Variants in SYT4 observed in about 807,000 individuals in gnomAD.
SYT4 encodes the protein synaptotagmin 4.
Under a neutral mutation model 32.9 loss-of-function variants are expected in SYT4, and 7 were observed. That is an observed-to-expected ratio of 0.21 (90% CI 0.12 to 0.40). The LOEUF (loss-of-function observed/expected upper bound fraction) is 0.40, where lower values mean the gene tolerates loss of function less well. SYT4 is among the 10% of genes least tolerant of loss of function. SYT4 has a pLI of 1.00. For synonymous variants in SYT4, 205 were observed against 186.2 expected (o/e 1.10, Z -0.82); for missense variants, 480 against 488.0 (o/e 0.98, Z 0.16).
chr18:43,273,814 T>A lies in SYT4; in HGVS notation c.615A>T (p.Lys205Asn). 1 of 1,614,044 alleles carries A rather than the reference T, an allele frequency of 6.2e-7. No individual in the cohort carries two copies. The highest frequency in any genetic ancestry group is 8.5e-7 in the Non-Finnish European group (1 of 1,179,940). ...KMTILPEKKH[K>N]VKTRVLRKTL... ...TTTTTCTCAGCACTCTAGTTTTCACTTTATGCTTCTTCTCTGGGAGGATCG... is the reference window on the plus strand; with the variant it reads ...TTTTTCTCAGCACTCTAGTTTTCACATTATGCTTCTTCTCTGGGAGGATCG... The change falls in exon 2 of 4, where the codon AAA (lysine) becomes AAT (asparagine). Residue 205 changes from lysine (K) to asparagine (N), a missense_variant. Coordinates refer to ENST00000255224, the MANE Select transcript of SYT4 (RefSeq NM_020783.4).
At position 43,273,633 on chromosome 18, in the gene SYT4, A is replaced by T. The variant is rs763786528; in HGVS notation, c.796T>A (p.Leu266Ile). Residue 266 changes from leucine (L) to isoleucine (I), a missense_variant, in exon 2 of 4, where the codon TTA becomes ATA. Coordinates refer to ENST00000255224, the MANE Select transcript of SYT4 (RefSeq NM_020783.4). ...EVLIPLSGIE[L>I]SEGKMLMNRE... is the part of the protein sequence containing the mutation. ...TTCATTAACATTTTTCCTTCAGATA[A>T]TTCAATTCCCGAGAGAGGAATTAGA... The T allele has an allele frequency of 6.2e-7, 1 of 1,613,660 alleles. No homozygotes were observed. The highest frequency in any genetic ancestry group is 2.2e-5 in the East Asian group (1 of 44,816).
chr18:43,274,092 C>T lies in SYT4; in HGVS notation c.337G>A (p.Gly113Ser), dbSNP rs1471484489. 1 of 1,613,892 alleles carries T rather than the reference C, an allele frequency of 6.2e-7. No individual in the cohort carries two copies. Among genetic ancestry groups the T allele is most frequent in the Non-Finnish European group, 8.5e-7 (1 of 1,179,958 alleles). ...GNFPKTNLKP[G>S]SPSDLENATP... ...GCATTCTCCAGATCAGAAGGACTGC[C>T]AGGTTTGAGGTTGGTTTTGGGAAAA... The change falls in exon 2 of 4, where the codon GGC (glycine) becomes AGC (serine). Residue 113 changes from glycine to serine, a missense_variant. Transcript: ENST00000255224.
chr18:43,270,514 C>A lies in SYT4; in HGVS notation c.1105G>T (p.Asp369Tyr), dbSNP rs778157794. 1.2e-6 allele frequency: 2 copies of A among 1,614,078 alleles called. No homozygotes were observed. The highest frequency in any genetic ancestry group is 1.1e-5 in the South Asian group (1 of 91,090). The change falls in exon 4 of 4, where the codon GAT (aspartate) becomes TAT (tyrosine). Residue 369 changes from aspartate to tyrosine, a missense_variant. Physicochemically the swap from Asp to Tyr is radical, Grantham distance 160. Coordinates refer to ENST00000255224, the MANE Select transcript of SYT4 (RefSeq NM_020783.4). The part of the protein sequence containing the change: ...VFDIPCEGLE[D>Y]ISVEFLVLDS... ...AAAACCAAAAATTCAACACTTATAT[C>A]TTCAAGGCCCTCACAAGGAATATCA...
At chr18:43,270,701 A>T in intron 3 of SYT4, 53 bp from the exon 4 acceptor site, 1 of 1,581,200 alleles carries the variant, frequency 6.3e-7, no homozygotes, top group South Asian at 1.1e-5. Context: ...TGGAGAGCTG[A>T]TATCAAGATA....
chr18:43,273,868 C>A lies in SYT4; in HGVS notation c.561G>T (p.Ser187=). The A allele has an allele frequency of 6.2e-7, 1 of 1,614,018 alleles. No homozygotes were observed. The highest frequency in any genetic ancestry group is 8.5e-7 in the Non-Finnish European group (1 of 1,179,940). The change falls in exon 2 of 4, where the codon TCG becomes TCT. Residue 187 remains serine (S), a synonymous_variant. Transcript: ENST00000255224. ...ARGLPAMDEQ[S]MTSDPYIKMT... ...TTTTGATATATGGGTCAGAGGTCAT[C>A]GACTGCTCATCCATGGCTGGCAAGC...
At chr18:43,274,514 A>G (rs1372378813) in intron 1 of SYT4, 120 bp from the exon 2 acceptor site, 3 of 765,494 alleles carry the variant, frequency 3.9e-6, no homozygotes, top group African/African-American at 1.8e-5. Context: ...TTACTTTCCA[A>G]CTGTTCTGGG....
rs746235891 is a variant in SYT4 at position 43,273,737 on chromosome 18, G to C, written c.692C>G (p.Thr231Ser). ...ETFTFYGIPY[T>S]QIQELALHFT... The stretch of plus-strand genomic sequence containing the variant: ...GTGCAAGGCCAATTCTTGGATTTGG[G>C]TGTAGGGTATCCCATAGAATGTAAA... The change falls in exon 2 of 4, where the codon ACC (threonine) becomes AGC (serine). Residue 231 changes from threonine (T) to serine (S), a missense_variant. Physicochemically the swap from Thr to Ser is moderately conservative, Grantham distance 58. Transcript: ENST00000255224. The C allele has an allele frequency of 1.9e-6, 3 of 1,613,894 alleles. No homozygotes were observed. Among genetic ancestry groups the C allele is most frequent in the African/African-American group, 1.3e-5 (1 of 74,908 alleles).
At chr18:43,275,741 A>G (rs756904601) in intron 1 of SYT4, among the ~76,000 whole-genome samples, 15 of 152,184 alleles carry the variant, frequency 9.9e-5, no homozygotes, top group Non-Finnish European at 1.9e-4. Context: ...TTTAATGTAC[A>G]GAAACTGAAT....
rs745580387 is a variant in SYT4, at chr18:43,274,227, T to G, written c.202A>C (p.Asn68His). 1 of 1,614,008 alleles carries G rather than the reference T, an allele frequency of 6.2e-7. No homozygotes were observed. The highest frequency in any genetic ancestry group is 1.3e-5 in the African/African-American group (1 of 75,036). ...TCTGCTCCAAACTTCTTTTTGCTAT[T>G]TAGGTTTTCAGGGTAAATATCAACT... ...KGVDIYPENL[N>H]SKKKFGADDK... The change falls in exon 2 of 4, where the codon AAT (asparagine) becomes CAT (histidine). Residue 68 changes from asparagine to histidine, a missense_variant. Transcript: ENST00000255224.
Position 43,273,962 on chromosome 18 carries a change from G to A in SYT4, c.467C>T (p.Thr156Ile). Residue 156 changes from threonine (T) to isoleucine (I), a missense_variant, in exon 2 of 4, where the codon ACT becomes ATT. Physicochemically the swap from Thr to Ile is moderately conservative, Grantham distance 89. Transcript: ENST00000255224. ...GTTGTATTCTAAGGAGAAGAAGAGA[G>A]TTCCCAGCTTCTCTTGTTTCTCTTC... is the stretch of plus-strand genomic sequence containing the variant. ...TSEEKQEKLG[T>I]LFFSLEYNFE... The A allele has an allele frequency of 6.2e-7, 1 of 1,613,984 alleles. No homozygotes were observed.
At chr18:43,275,309 A>G (rs1268083643) in intron 1 of SYT4, among the ~76,000 whole-genome samples, 2 of 152,158 alleles carry the variant, frequency 1.3e-5, no homozygotes, top group Non-Finnish European at 2.9e-5. Context: ...GGTAATATCA[A>G]TTATGCATAA....
At chr18:43,272,638 T>TA (rs1908664598) in intron 2 of SYT4, among the ~76,000 whole-genome samples, 2 of 152,178 alleles carry the variant, frequency 1.3e-5, no homozygotes, top group Admixed American at 1.3e-4. Flanking sequence ...AAAACTGCAA[T>TA]ATATTTATAC....
At position 43,273,597 on chromosome 18, in the gene SYT4, T is replaced by G; in HGVS notation, c.832A>C (p.Ile278Leu). The stretch of plus-strand genomic sequence containing the variant: ...TAAATTACCCTAACATTTCTCTTGA[T>G]GATCTCTCTATTCATTAACATTTTT... The part of the protein sequence containing the change: ...EGKMLMNREI[I>L]KRNVRKSSGR... Residue 278 changes from isoleucine (I) to leucine (L), a missense_variant, in exon 2 of 4, where the codon ATC (isoleucine) becomes CTC (leucine). Coordinates refer to ENST00000255224, the MANE Select transcript of SYT4 (RefSeq NM_020783.4). 1.2e-6 allele frequency: 2 copies of G among 1,605,776 alleles called. No individual in the cohort carries two copies. The highest frequency in any genetic ancestry group is 8.5e-7 in the Non-Finnish European group (1 of 1,175,514).
rs769748904 is a variant in SYT4, at chr18:43,274,094, G to A, written c.335C>T (p.Pro112Leu). ...NGNFPKTNLK[P>L]GSPSDLENAT... ...ATTCTCCAGATCAGAAGGACTGCCA[G>A]GTTTGAGGTTGGTTTTGGGAAAATT... The change falls in exon 2 of 4, where the codon CCT (proline) becomes CTT (leucine). Residue 112 changes from proline to leucine, a missense_variant. Physicochemically the swap from Pro to Leu is moderately conservative, Grantham distance 98. Coordinates refer to ENST00000255224, the MANE Select transcript of SYT4 (RefSeq NM_020783.4). 4 of 1,614,078 alleles carry A rather than the reference G, an allele frequency of 2.5e-6. No individual in the cohort carries two copies. The highest frequency in any genetic ancestry group is 2.5e-6 in the Non-Finnish European group (3 of 1,179,956).
At position 43,271,819 on chromosome 18, in the gene SYT4, C is replaced by T. The variant is rs978828343; in HGVS notation, c.863G>A (p.Arg288Gln). The T allele has an allele frequency of 9.9e-6, 16 of 1,612,008 alleles. No homozygotes were observed. Among genetic ancestry groups the T allele is most frequent in the African/African-American group, 1.3e-5 (1 of 74,954 alleles). ...IKRNVRKSSG[R>Q]GELLISLCYQ... The stretch of plus-strand genomic sequence containing the variant: ...GCAGAGAGAGATCAGTAACTCACCC[C>T]GTCCTGAAGACTTCTGCAGAAAGAG... Residue 288 changes from arginine to glutamine, a missense_variant, in exon 3 of 4, where the codon CGG (arginine) becomes CAG (glutamine). Transcript: ENST00000255224.
intron 1 of SYT4, among the ~76,000 whole-genome samples, chr18:43,275,107 TTAAA>T (rs769130213): frequency 2.0e-5 from 3 of 151,058 alleles, no homozygotes; most frequent in Non-Finnish European, 4.4e-5. Flanking sequence ...TTAATTAAAC[TTAAA>T]TAAGATAAAA....
intron 2 of SYT4, 137 bp downstream of exon 2, chr18:43,273,443 T>G (rs942142327): frequency 7.9e-5 from 48 of 607,148 alleles, no homozygotes; most frequent in Non-Finnish European, 3.1e-5. Flanking sequence ...TTGATCTCCA[T>G]TAGATTATAA....
At chr18:43,272,757 A>G (rs932794841) in intron 2 of SYT4, among the ~76,000 whole-genome samples, 4 of 152,150 alleles carry the variant, frequency 2.6e-5, no homozygotes, top group African/African-American at 9.7e-5. Flanking sequence ...GTCTCAAACA[A>G]GCTGTGGAAT....
Position 43,270,332 on chromosome 18 carries a change from G to C in SYT4, c.*9C>G, listed in dbSNP as rs2144364283. The C allele has an allele frequency of 1.9e-6, 3 of 1,610,062 alleles. No individual in the cohort carries two copies. Among genetic ancestry groups the C allele is most frequent in the Non-Finnish European group, 2.5e-6 (3 of 1,176,846 alleles). ...AAAAACCTTTAAGTTCCAACTCACG[G>C]CTAGGATGCTAACCATCACAGAGCA... On this transcript the variant is annotated 3_prime_UTR_variant, in exon 4 of 4. Coordinates refer to ENST00000255224, the MANE Select transcript of SYT4 (RefSeq NM_020783.4).
Sources: gnomAD v4.1 joint callset for allele counts (sites outside exome capture counted in the v4.1 genomes callset) on GRCh38, gnomAD v4.1.1 for gene constraint, MANE v1.5 for transcripts, NCBI Gene and HGNC (gene_info 2026-07-23, HGNC 2026-07-21) for gene names.